Variants in CADPS2 observed in about 807,000 individuals in gnomAD.
The protein encoded by CADPS2 is calcium-dependent secretion activator 2.
In CADPS2, 93 loss-of-function variants were observed where a neutral mutation model predicts 172.5. The observed-to-expected ratio is 0.54, with a 90% CI of 0.46 to 0.64. The LOEUF is 0.64. Among genes scored for constraint, CADPS2 ranks in the 30% least tolerant of loss-of-function variants. The pLI is 0.00. For missense variants in CADPS2, 1,420 were observed against 1,565.9 expected, an observed-to-expected ratio of 0.91 and a Z score of 1.57; for synonymous variants, 546 against 555.2, an observed-to-expected ratio of 0.98 and a Z score of 0.23.
intron 1 of CADPS2, among the ~76,000 whole-genome samples, chr7:122,858,736 G>A (rs1348991276): frequency 6.6e-6 from 1 of 152,146 alleles, no homozygotes; most frequent in Non-Finnish European, 1.5e-5. Context: ...ACATTATAGA[G>A]ACTGTTCTGC....
chr7:122,623,803 G>C (rs1012986098), intron 4 of CADPS2, among the ~76,000 whole-genome samples: 5 of 152,080 alleles, frequency 3.3e-5, no homozygotes, highest in Admixed American at 2.0e-4. Context: ...TAAAAAAGTA[G>C]AGTTTAACAA....
intron 29 of CADPS2, among the ~76,000 whole-genome samples, chr7:122,323,872 T>TA (rs1205444012): frequency 2.2e-4 from 15 of 66,834 alleles, no homozygotes; most frequent in Admixed American, 7.0e-4. Context: ...ATATGTATAT[T>TA]TTATATATAT....
chr7:122,588,677 CA>C (rs1425282807), intron 6 of CADPS2, among the ~76,000 whole-genome samples: 4 of 151,706 alleles, frequency 2.6e-5, no homozygotes, highest in African/African-American at 9.7e-5. Flanking sequence ...AAAATCTTTC[CA>C]AAAGTTTCCT....
intron 9 of CADPS2, among the ~76,000 whole-genome samples, chr7:122,506,804 G>C (rs2059644308): frequency 6.6e-6 from 1 of 151,434 alleles, no homozygotes; most frequent in Admixed American, 6.6e-5. Context: ...TCAAGATCCA[G>C]ATAGATTGGA....
At chr7:122,528,047 C>T (rs928282154) in intron 8 of CADPS2, among the ~76,000 whole-genome samples, 3 of 148,344 alleles carry the variant, frequency 2.0e-5, no homozygotes, top group Non-Finnish European at 4.4e-5. Flanking sequence ...TTACAAAAAT[C>T]TGCTGCAATG....
intron 2 of CADPS2, among the ~76,000 whole-genome samples, chr7:122,705,040 T>C (rs187532993): frequency 9.2e-5 from 14 of 152,068 alleles, no homozygotes; most frequent in African/African-American, 2.9e-4. Flanking sequence ...CGATGGGTGG[T>C]CAGGTATAAA....
chr7:122,346,817 T>C (rs1398504021), intron 27 of CADPS2, among the ~76,000 whole-genome samples: 1 of 152,196 alleles, frequency 6.6e-6, no homozygotes, highest in African/African-American at 2.4e-5. Context: ...TTTTTTCTAA[T>C]TGATTTATGT....
intron 9 of CADPS2, among the ~76,000 whole-genome samples, chr7:122,494,287 C>T (rs935628686): frequency 1.2e-4 from 18 of 152,102 alleles, no homozygotes; most frequent in African/African-American, 4.1e-4. Context: ...TTCCTTTGGT[C>T]TAGCAAGGAA....
At chr7:122,876,913 T>C (rs1486124249) in intron 1 of CADPS2, among the ~76,000 whole-genome samples, 4 of 152,102 alleles carry the variant, frequency 2.6e-5, no homozygotes, top group African/African-American at 7.2e-5. Context: ...ATCAGATGAT[T>C]TACATACCAA....
intron 1 of CADPS2, among the ~76,000 whole-genome samples, chr7:122,763,023 A>AAC (rs374124308): frequency 0.022 from 3,349 of 151,772 alleles, 64 homozygotes; most frequent in Non-Finnish European, 0.033. Flanking sequence ...AGTAGATGGA[A>AAC]ACACACACAC....
chr7:122,708,985 ATTAACTCAACCATTTAGACTGGAT>A (rs2088162153), intron 2 of CADPS2, among the ~76,000 whole-genome samples: 1 of 152,076 alleles, frequency 6.6e-6, no homozygotes, highest in Non-Finnish European at 1.5e-5. Context: ...GTATCTTCAT[ATTAACTCAACCATTTAGACTGGAT>A]TTTTGTTTGA....
intron 3 of CADPS2, among the ~76,000 whole-genome samples, chr7:122,657,231 A>G (rs1287532174): frequency 2.6e-5 from 4 of 152,064 alleles, no homozygotes; most frequent in East Asian, 1.9e-4. Flanking sequence ...ATAGTTTGAA[A>G]TCAGGTAGCG....
chr7:122,513,396 AT>A, intron 8 of CADPS2, 81 bp from the exon 9 acceptor site: 1 of 1,189,508 alleles, frequency 8.4e-7, no homozygotes, highest in South Asian at 1.4e-5. Flanking sequence ...TTCCATAGGT[AT>A]TTATTTTTGA....
chr7:122,619,931 T>C (rs1475488982), intron 5 of CADPS2, among the ~76,000 whole-genome samples: 1 of 152,204 alleles, frequency 6.6e-6, no homozygotes, highest in Admixed American at 6.5e-5. Context: ...AGACTCATAG[T>C]TCTAATCTGA....
chr7:122,497,527 T>C (rs940343233), intron 9 of CADPS2, among the ~76,000 whole-genome samples: 1 of 152,204 alleles, frequency 6.6e-6, no homozygotes, highest in Non-Finnish European at 1.5e-5. Flanking sequence ...AGTGCTTTAC[T>C]TCCATTACCC....
At chr7:122,676,062 C>A (rs1437135437) in intron 2 of CADPS2, among the ~76,000 whole-genome samples, 2 of 152,138 alleles carry the variant, frequency 1.3e-5, no homozygotes, top group Non-Finnish European at 2.9e-5. Flanking sequence ...ACTTGTGCAT[C>A]TTTTGCCAAA....
At chr7:122,836,596 A>C (rs1808511253) in intron 1 of CADPS2, among the ~76,000 whole-genome samples, 1 of 152,224 alleles carries the variant, frequency 6.6e-6, no homozygotes, top group Admixed American at 6.5e-5. Context: ...TCTACCAAGC[A>C]AATGGAACAA....
intron 27 of CADPS2, among the ~76,000 whole-genome samples, chr7:122,350,115 G>A (rs1434736407): frequency 2.0e-5 from 3 of 152,188 alleles, no homozygotes; most frequent in African/African-American, 7.2e-5. Context: ...GAGTGGAAGT[G>A]TAATATCCTG....
At chr7:122,667,942 A>C (rs903259965) in intron 2 of CADPS2, among the ~76,000 whole-genome samples, 30 of 152,216 alleles carry the variant, frequency 2.0e-4, no homozygotes, top group South Asian at 6.2e-4. Flanking sequence ...GGGGGGAGGG[A>C]GGACTCTGGG....
Sources: allele counts gnomAD v4.1 joint callset (sites outside exome capture counted in the v4.1 genomes callset), GRCh38; gene constraint gnomAD v4.1.1; transcripts MANE v1.5; gene names NCBI Gene and HGNC (gene_info 2026-07-23, HGNC 2026-07-21).